Variants in SYTL5 observed in about 807,000 individuals in gnomAD.
SYTL5 encodes synaptotagmin-like protein 5.
In SYTL5, 34 loss-of-function variants were observed where a neutral mutation model predicts 55.9. That is an observed-to-expected ratio of 0.61 (90% CI 0.46 to 0.81). SYTL5 has a LOEUF of 0.81. Ranked by LOEUF, SYTL5 falls within the 30% of genes least tolerant of loss-of-function variation. The pLI is 0.00. For synonymous variants in SYTL5, 221 were observed against 188.7 expected (o/e 1.17, Z -1.40); for missense variants, 637 against 546.7 (o/e 1.17, Z -1.65).
chrX:38,118,090 T>G (rs1937521715), intron 13 of SYTL5, among the ~76,000 whole-genome samples: 1 of 111,747 alleles, frequency 8.9e-6, no homozygotes, highest in Non-Finnish European at 1.9e-5. Context: ...AAACTAAAAT[T>G]TACTGAGATT....
In SYTL5 at chrX:38,122,345, T is replaced by C. The variant is rs763019945; in HGVS notation, c.1841+130T>C. The C allele has an allele frequency of 2.5e-5, 11 of 443,613 alleles. No homozygotes were observed. In the Admixed American group the frequency reaches 3.9e-4, roughly 16 times the overall value. The allele number at this position is 443,613 out of a possible 1,213,427, so 36.6% of individuals were successfully genotyped here. A position where few individuals can be genotyped will look rare whatever the true frequency, so the allele number is the denominator to read the frequency against. Reference sequence around the variant, plus strand: ...GAAGTGTATGGGTGAGAACTACCCTTACATGCTGGCTCTTACATCTAAAAT... The same window carrying C: ...GAAGTGTATGGGTGAGAACTACCCTCACATGCTGGCTCTTACATCTAAAAT... On this transcript the variant is annotated intron_variant, in intron 15 of 16. Transcript: ENST00000297875.
At chrX:38,116,208 T>C (rs1944663097) in intron 13 of SYTL5, among the ~76,000 whole-genome samples, 1 of 112,051 alleles carries the variant, frequency 8.9e-6, no homozygotes. Flanking sequence ...CTTTCCCCAT[T>C]GTGTATTTTT....
chrX:38,022,930 G>C (rs1277962848), intron 1 of SYTL5, among the ~76,000 whole-genome samples: 2 of 111,717 alleles, frequency 1.8e-5, no homozygotes, highest in South Asian at 3.8e-4. Flanking sequence ...GGCTTTTTTA[G>C]AGGAATGAAC....
rs144659697 is a variant in SYTL5 at position 38,076,572 on chromosome X, T to C, written c.560T>C (p.Leu187Pro). 180 of 1,189,949 alleles carry C rather than the reference T, an allele frequency of 1.5e-4. No homozygotes were observed. The Middle Eastern group carries it at 1.9e-3, about 12-fold the overall frequency. ...SHDGPKRKGF[L>P]LSKFRSATRG... ...ATACATATATATAATTTCAGATTTC[T>C]TCTTAGCAAGTTCAGATCGGCAACC... Residue 187 changes from leucine (L) to proline (P), a missense_variant, in exon 6 of 17, where the codon CTT (leucine) becomes CCT (proline). Physicochemically the swap from Leu to Pro is moderately conservative, Grantham distance 98. Coordinates refer to ENST00000297875, the MANE Select transcript of SYTL5 (RefSeq NM_138780.3).
At chrX:38,096,762 T>G (rs1389216053) in intron 9 of SYTL5, among the ~76,000 whole-genome samples, 1 of 111,357 alleles carries the variant, frequency 9.0e-6, no homozygotes, top group East Asian at 2.8e-4. Flanking sequence ...TATAATAAAA[T>G]ACGGACTCCT....
chrX:37,902,629 G>T, the SYTL5 span, among the ~76,000 whole-genome samples: 1 of 111,189 alleles, frequency 9.0e-6, no homozygotes, highest in Admixed American at 9.6e-5. Context: ...TTCCTGGCAG[G>T]AACTGAAAGG....
chrX:38,018,164 G>A (rs1324893054), intron 1 of SYTL5, among the ~76,000 whole-genome samples: 1 of 111,466 alleles, frequency 9.0e-6, no homozygotes, highest in African/African-American at 3.3e-5. Flanking sequence ...TTTGTATAAG[G>A]GCACTGGCTC....
At chrX:38,088,910 T>C (rs1435589448) in intron 6 of SYTL5, among the ~76,000 whole-genome samples, 1 of 112,290 alleles carries the variant, frequency 8.9e-6, no homozygotes, top group Non-Finnish European at 1.9e-5. Flanking sequence ...ACAAGACATT[T>C]TGCAGTCAAA....
chrX:37,983,036 A>G, the SYTL5 span, among the ~76,000 whole-genome samples: 37 of 111,618 alleles, frequency 3.3e-4, 1 homozygote, highest in Middle Eastern at 0.028. Context: ...GAAATAACTC[A>G]AGAAAATATA....
At chrX:38,117,646 T>TG (rs1363032333) in intron 13 of SYTL5, among the ~76,000 whole-genome samples, 1 of 112,010 alleles carries the variant, frequency 8.9e-6, no homozygotes, top group Non-Finnish European at 1.9e-5. Flanking sequence ...TGCAGCCAGA[T>TG]GGTTGACTGA....
chrX:37,889,255 T>A, the SYTL5 span, among the ~76,000 whole-genome samples: 1 of 112,188 alleles, frequency 8.9e-6, no homozygotes, highest in African/African-American at 3.2e-5. Flanking sequence ...AGTTGAGATA[T>A]CATTAGGCTC....
chrX:38,029,636 G>A (rs1934890785), intron 1 of SYTL5, among the ~76,000 whole-genome samples: 1 of 111,560 alleles, frequency 9.0e-6, no homozygotes, highest in Admixed American at 9.6e-5. Context: ...AGTCAAACAA[G>A]CAGTTTATGA....
At chrX:37,951,172 A>G in the SYTL5 span, among the ~76,000 whole-genome samples, 1 of 111,482 alleles carries the variant, frequency 9.0e-6, no homozygotes, top group African/African-American at 3.2e-5. Context: ...TTCTTACTAA[A>G]TATCTGTTTC....
intron 1 of SYTL5, among the ~76,000 whole-genome samples, chrX:38,032,672 C>T (rs1934992272): frequency 9.0e-6 from 1 of 110,964 alleles, no homozygotes; most frequent in Non-Finnish European, 1.9e-5. Context: ...AAGTTATATA[C>T]TTCACATATA....
At chrX:38,100,172 A>C (rs768699494) in intron 9 of SYTL5, among the ~76,000 whole-genome samples, 1 of 111,147 alleles carries the variant, frequency 9.0e-6, no homozygotes, top group South Asian at 3.8e-4. Context: ...AGATGTTCAG[A>C]AGAATTCATC....
At chrX:38,054,654 G>T (rs1034935962) in intron 3 of SYTL5, among the ~76,000 whole-genome samples, 1 of 105,442 alleles carries the variant, frequency 9.5e-6, no homozygotes, top group Admixed American at 1.0e-4. Flanking sequence ...GATACAGAAA[G>T]AATATTTTTT....
the SYTL5 span, among the ~76,000 whole-genome samples, chrX:37,910,238 C>G: frequency 1.8e-5 from 2 of 111,765 alleles, no homozygotes; most frequent in African/African-American, 6.5e-5. Context: ...TGAGGCCTCT[C>G]TCCTTCACTT....
the SYTL5 span, among the ~76,000 whole-genome samples, chrX:37,933,442 A>G: frequency 8.9e-6 from 1 of 111,800 alleles, no homozygotes; most frequent in African/African-American, 3.3e-5. Flanking sequence ...AAAGGGTAGA[A>G]CAGAGTTGAA....
chrX:38,074,148 G>T (rs1351815074), intron 5 of SYTL5, among the ~76,000 whole-genome samples: 1 of 111,357 alleles, frequency 9.0e-6, no homozygotes, highest in Non-Finnish European at 1.9e-5. Flanking sequence ...GCTTCCTTAA[G>T]AAAAAAAGTC....
Sources: gnomAD v4.1 joint callset for allele counts (sites outside exome capture counted in the v4.1 genomes callset) on GRCh38, gnomAD v4.1.1 for gene constraint, MANE v1.5 for transcripts, NCBI Gene and HGNC (gene_info 2026-07-23, HGNC 2026-07-21) for gene names.